PERM1: variants seen among roughly 807,000 people sequenced by gnomAD.
PERM1 encodes PPARGC1 and ESRR induced regulator, muscle 1.
Under a neutral mutation model 44.1 loss-of-function variants are expected in PERM1, and 45 were observed. The ratio of observed to expected loss-of-function variants is 1.02; its 90% CI spans 0.80 to 1.31. The LOEUF (loss-of-function observed/expected upper bound fraction) is 1.31, where lower values mean the gene tolerates loss of function less well. PERM1 is among the 50% of genes most tolerant of loss of function. PERM1 has a pLI of 0.00. For synonymous variants in PERM1, 565 were observed against 477.1 expected (o/e 1.18, Z -2.40); for missense variants, 1,189 against 1,106.9 (o/e 1.07, Z -1.05).
chr1:976,568 C>A, exon 2 of PERM1: 1 of 1,549,602 alleles, frequency 6.5e-7, no homozygotes, highest in Non-Finnish European at 8.7e-7. Context: ...GCTACAAACA[C>A]CAGGCACATG....
exon 1 of PERM1, chr1:978,910 T>C: frequency 6.7e-7 from 1 of 1,502,880 alleles, no homozygotes; most frequent in Admixed American, 2.3e-5. Flanking sequence ...GTGGAGCCGC[T>C]CTACCACGGC....
At chr1:979,669 G>A in exon 1 of PERM1, 3 of 1,550,308 alleles carry the variant, frequency 1.9e-6, no homozygotes, top group Middle Eastern at 1.7e-4. Flanking sequence ...GAGGCCAGCG[G>A]CGTCGGCTCT....
chr1:981,164 C>T, upstream of PERM1: 1 of 1,548,782 alleles, frequency 6.5e-7, no homozygotes, highest in East Asian at 2.4e-5. Flanking sequence ...CTCGGGGCTC[C>T]ATCCATGCCC....
chr1:981,231 G>A, upstream of PERM1: 1 of 1,502,296 alleles, frequency 6.7e-7, no homozygotes, highest in Non-Finnish European at 8.9e-7. Flanking sequence ...AAACCTAGTG[G>A]TGACGATTTC....
exon 2 of PERM1, chr1:976,564 A>G: frequency 2.6e-6 from 4 of 1,549,574 alleles, no homozygotes; most frequent in Admixed American, 2.0e-5. Context: ...AAAAGCTACA[A>G]ACACCAGGCA....
chr1:981,015 C>G, exon 1 of PERM1: 3 of 1,530,336 alleles, frequency 2.0e-6, no homozygotes, highest in Non-Finnish European at 2.6e-6. Context: ...GGACGCTGTA[C>G]TGGAAATTTT....
chr1:976,423 C>A, intron 2 of PERM1, 76 bp downstream of exon 3: 1 of 1,545,022 alleles, frequency 6.5e-7, no homozygotes, highest in Non-Finnish European at 8.7e-7. Context: ...CCGGGGCCCC[C>A]GTGCACCCCT....
chr1:976,429 C>A, intron 2 of PERM1, 70 bp downstream of exon 3: 3 of 1,547,384 alleles, frequency 1.9e-6, no homozygotes, highest in Admixed American at 3.9e-5. Context: ...CCCCCGTGCA[C>A]CCCTCGTCCT....
rs529941817 is a variant in PERM1 at position 979,479 on chromosome 1, G to A, written c.1551C>T (p.Gly517=). Reference sequence around the variant, plus strand: ...AGGGCCGGGCTGAGGCCTGTCCTGAGCCTGGCTTATTGGGGCTGGGCCCAG... The same window carrying A: ...AGGGCCGGGCTGAGGCCTGTCCTGAACCTGGCTTATTGGGGCTGGGCCCAG... Residue 517 remains glycine, a synonymous_variant, in exon 1 of 3, where the codon GGC becomes GGT. Transcript: ENST00000433179. 21 of 1,547,824 alleles carry A rather than the reference G, an allele frequency of 1.4e-5. No homozygotes were observed. The South Asian group carries it at 2.5e-4, about 18-fold the overall frequency.
At chr1:978,226 G>A (rs564834117) in intron 1 of PERM1, among the ~76,000 whole-genome samples, 315 of 126,456 alleles carry the variant, frequency 2.5e-3, no homozygotes, top group Non-Finnish European at 4.5e-3. Context: ...CCCCGCACAC[G>A]CCCGCCCCGG....
rs114918572 is a variant in PERM1 at position 975,801 on chromosome 1, G to A, written c.*371C>T. ...GCTCCCCCTGCACCCCAGAAGAAAC[G>A]CAGGGTGCGGTTGCATTTGATTTCA... On this transcript the variant is annotated 3_prime_UTR_variant, in exon 3 of 3. Coordinates refer to ENST00000433179, the Ensembl canonical transcript of PERM1. 1,474 of 195,296 alleles carry A rather than the reference G, an allele frequency of 7.5e-3. 20 individuals carry two copies. The highest frequency in any genetic ancestry group is 0.049 in the Middle Eastern group (24 of 492). 12.1% of individuals were successfully genotyped at this position (195,296 alleles called of 1,614,324 possible). A position where few individuals can be genotyped will look rare whatever the true frequency, so the allele number is the denominator to read the frequency against.
At chr1:981,169 A>G (rs6660139), upstream of PERM1, 1,162,285 of 1,546,338 alleles carry the variant, frequency 0.75, 438,594 homozygotes, top group East Asian at 0.89. Flanking sequence ...GGCTCCATCC[A>G]TGCCCTGAAA....
chr1:981,785 C>A (rs1225318314), upstream of PERM1, among the ~76,000 whole-genome samples: 2 of 152,236 alleles, frequency 1.3e-5, no homozygotes, highest in South Asian at 2.1e-4. Context: ...GCCCGGCTGC[C>A]CGGGGTGCCT....
exon 2 of PERM1, chr1:976,603 G>A (rs1490011260): frequency 6.5e-7 from 1 of 1,549,290 alleles, no homozygotes; most frequent in Non-Finnish European, 8.7e-7. Context: ...GGCAAATGAT[G>A]GGACAGGCCC....
At chr1:980,925 C>T in exon 1 of PERM1, 1 of 1,420,940 alleles carries the variant, frequency 7.0e-7, no homozygotes, top group Non-Finnish European at 9.1e-7. Context: ...AGAGCTCGTC[C>T]CCAGAGGCCA....
Position 976,182 on chromosome 1 carries a change from G to C in PERM1, c.2363C>G (p.Pro788Arg), listed in dbSNP as rs773369885. Residue 788 changes from proline (P) to arginine (R), a missense_variant, in exon 3 of 3, where the codon CCC becomes CGC. Pro to Arg is a moderately radical substitution (Grantham distance 103). This residue lies in a region of PERM1 where 900 missense variants were observed against 760.4 expected (regional missense o/e 1.18). Coordinates refer to ENST00000433179, the Ensembl canonical transcript of PERM1. ...GCCCGGGCCTGGCTCCTAGGAGCTG[G>C]GGCTGGGGCTGTGGCTGCGGCGCCC... 83 of 1,545,672 alleles carry C rather than the reference G, an allele frequency of 5.4e-5. 1 individual carries two copies. The highest frequency in any genetic ancestry group is 5.1e-5 in the Non-Finnish European group (58 of 1,145,178).
Position 976,136 on chromosome 1 carries a change from TC to T in PERM1, c.*35del. The stretch of plus-strand genomic sequence containing the variant: ...CCTGCCCTGGGCGCCTGTGGTCGTC[TC>T]CTCATCCTGCATCTCCCTGGCCCGG... On this transcript the variant is annotated 3_prime_UTR_variant, in exon 3 of 3. Transcript: ENST00000433179. The T allele has an allele frequency of 1.9e-6, 3 of 1,540,200 alleles. No individual in the cohort carries two copies. In the South Asian group the frequency reaches 3.6e-5, roughly 19 times the overall value.
chr1:976,445 C>T (rs1643609597), intron 2 of PERM1, 54 bp downstream of exon 3: 3 of 1,548,584 alleles, frequency 1.9e-6, no homozygotes, highest in Non-Finnish European at 2.6e-6. Flanking sequence ...GTCCTGCCAG[C>T]GCCCCTCGGT....
chr1:979,835 C>A, exon 1 of PERM1: 2 of 1,549,262 alleles, frequency 1.3e-6, no homozygotes. Context: ...GACACAGCCA[C>A]GTCCGTGTCC....
Sources: gnomAD v4.1 joint callset for allele counts (sites outside exome capture counted in the v4.1 genomes callset) on GRCh38, gnomAD v4.1.1 for gene constraint, gnomAD v4.1.1 regional missense constraint, MANE v1.5 for transcripts, NCBI Gene and HGNC (gene_info 2026-07-23, HGNC 2026-07-21) for gene names.